COMMD1: variants seen among roughly 807,000 people sequenced by gnomAD.
COMMD1 encodes copper metabolism domain containing 1.
Under a neutral mutation model 17.2 loss-of-function variants are expected in COMMD1, and 10 were observed. The observed-to-expected ratio is 0.58, with a 90% CI of 0.36 to 0.99. The LOEUF is 0.99. Among genes scored for constraint, COMMD1 ranks in the 50% least tolerant of loss-of-function variants. The pLI is 0.01. For synonymous variants in COMMD1, 97 were observed against 91.6 expected, an observed-to-expected ratio of 1.06 and a Z score of -0.34; for missense variants, 270 against 231.8, an observed-to-expected ratio of 1.17 and a Z score of -1.07.
intron 2 of COMMD1, among the ~76,000 whole-genome samples, chr2:62,002,772 C>G (rs1157485722): frequency 6.6e-6 from 1 of 151,578 alleles, no homozygotes; most frequent in African/African-American, 2.4e-5. Flanking sequence ...AGGAGAATTG[C>G]TTCATCCTGG....
intron 1 of COMMD1, among the ~76,000 whole-genome samples, chr2:61,954,300 G>C (rs978028161): frequency 1.4e-4 from 21 of 152,080 alleles, no homozygotes; most frequent in African/African-American, 4.8e-4. Context: ...ATAAGTTTTT[G>C]CTTATATAGG....
intron 1 of COMMD1, among the ~76,000 whole-genome samples, chr2:61,942,206 C>G (rs1163091380): frequency 6.6e-6 from 1 of 151,234 alleles, no homozygotes; most frequent in African/African-American, 2.4e-5. Flanking sequence ...TAGGTTCAAG[C>G]GATTCTCCTG....
At chr2:61,941,132 A>G (rs989101272) in intron 1 of COMMD1, among the ~76,000 whole-genome samples, 8 of 151,684 alleles carry the variant, frequency 5.3e-5, no homozygotes, top group African/African-American at 1.2e-4. Flanking sequence ...GGTTCAAGCA[A>G]TTCTCCTGCC....
intron 1 of COMMD1, among the ~76,000 whole-genome samples, chr2:61,893,617 C>A (rs948317904): frequency 2.0e-5 from 3 of 152,090 alleles, no homozygotes; most frequent in African/African-American, 7.2e-5. Flanking sequence ...AGTTCGAGAC[C>A]AGCCTGGCCA....
intron 1 of COMMD1, among the ~76,000 whole-genome samples, chr2:61,940,746 C>G (rs1572983808): frequency 6.6e-6 from 1 of 151,326 alleles, no homozygotes; most frequent in Admixed American, 6.6e-5. Flanking sequence ...TGCAGTGGCG[C>G]GAACTCCTCG....
At chr2:61,918,857 G>T (rs1396031314) in intron 1 of COMMD1, among the ~76,000 whole-genome samples, 1 of 152,032 alleles carries the variant, frequency 6.6e-6, no homozygotes, top group African/African-American at 2.4e-5. Context: ...CACATTTTTA[G>T]CTCTATCTTA....
chr2:62,094,476 A>C (rs1671944317), intron 2 of COMMD1, among the ~76,000 whole-genome samples: 1 of 152,178 alleles, frequency 6.6e-6, no homozygotes, highest in Non-Finnish European at 1.5e-5. Context: ...TTGTCACCAT[A>C]TTTTGTTGTC....
upstream of COMMD1, chr2:61,888,528 G>T (rs745685477): frequency 6.2e-7 from 1 of 1,606,638 alleles, no homozygotes; most frequent in Admixed American, 1.7e-5. Context: ...GCTGTGTCTG[G>T]GTTGGCTCGG....
intron 1 of COMMD1, among the ~76,000 whole-genome samples, chr2:61,991,023 C>G (rs1293698925): frequency 1.3e-5 from 2 of 151,072 alleles, no homozygotes; most frequent in Non-Finnish European, 2.9e-5. Flanking sequence ...CCCAGGAGGA[C>G]AAGGCTGTAG....
chr2:62,090,324 C>A (rs1050484309), intron 2 of COMMD1, among the ~76,000 whole-genome samples: 1 of 151,700 alleles, frequency 6.6e-6, no homozygotes, highest in African/African-American at 2.4e-5. Context: ...TTATCATATT[C>A]TTTGATTAGA....
intron 2 of COMMD1, among the ~76,000 whole-genome samples, chr2:62,032,755 C>CTCCTTCCT (rs891774467): frequency 6.6e-6 from 1 of 151,474 alleles, no homozygotes; most frequent in African/African-American, 2.4e-5. Context: ...CTCTCTTTCA[C>CTCCTTCCT]TCCTTCCTTC....
chr2:61,920,939 G>A lies in COMMD1; in HGVS notation c.180+15081G>A, dbSNP rs142586724. On this transcript the variant is annotated intron_variant, in intron 1 of 2. Transcript: ENST00000311832. ...TGTATGTGTATATGTATACATATAC[G>A]TGTGTTTGTGTATATATATATGTGT... Among the ~76,000 whole-genome samples the A allele has an allele frequency of 7.2e-4, 101 of 141,066 alleles. 1 individual carries two copies. The East Asian group carries it at 0.018, about 25-fold the overall frequency. 92.5% of individuals were successfully genotyped at this position (141,066 alleles called of 152,430 possible).
intron 1 of COMMD1, among the ~76,000 whole-genome samples, chr2:61,889,722 G>A (rs1669376628): frequency 6.6e-6 from 1 of 152,122 alleles, no homozygotes; most frequent in South Asian, 2.1e-4. Context: ...CTGGGTGGTG[G>A]AGGTTTGACA....
chr2:62,040,230 C>T (rs10171696), intron 2 of COMMD1, among the ~76,000 whole-genome samples: 4 of 152,046 alleles, frequency 2.6e-5, no homozygotes, highest in African/African-American at 7.2e-5. Flanking sequence ...CTCCAGCCTA[C>T]GTGACAGAGT....
chr2:62,110,608 C>G (rs565238779), intron 2 of COMMD1, among the ~76,000 whole-genome samples: 29 of 152,090 alleles, frequency 1.9e-4, no homozygotes, highest in African/African-American at 7.0e-4. Flanking sequence ...GGACACTGAC[C>G]CTGAGCTACA....
At chr2:62,124,596 C>A (rs1672841111) in intron 2 of COMMD1, among the ~76,000 whole-genome samples, 1 of 152,082 alleles carries the variant, frequency 6.6e-6, no homozygotes, top group Non-Finnish European at 1.5e-5. Flanking sequence ...GTCGCCCAGC[C>A]TGGAGTGTAG....
rs577009072 is a variant in COMMD1, at chr2:61,987,504, C to G, written c.181-13197C>G. On this transcript the variant is annotated intron_variant, in intron 1 of 2. Coordinates refer to ENST00000311832, the MANE Select transcript of COMMD1 (RefSeq NM_152516.4). The stretch of plus-strand genomic sequence containing the variant: ...AATTCTTTCTATTGCCAGGCAGAGA[C>G]TCTTGTTCTCTTCCCTTTTTCCCAA... Among the ~76,000 whole-genome samples the G allele has an allele frequency of 2.0e-5, 3 of 152,276 alleles. No homozygotes were observed. In the South Asian group the frequency reaches 6.2e-4, roughly 32 times the overall value.
At chr2:61,983,210 G>C (rs1330707574) in intron 1 of COMMD1, among the ~76,000 whole-genome samples, 2 of 139,558 alleles carry the variant, frequency 1.4e-5, no homozygotes, top group African/African-American at 5.4e-5. Context: ...TTTTTTTTGA[G>C]ATGGAGTCTC....
At chr2:61,977,183 T>C (rs1162767209) in intron 1 of COMMD1, among the ~76,000 whole-genome samples, 3 of 151,702 alleles carry the variant, frequency 2.0e-5, no homozygotes, top group Non-Finnish European at 4.4e-5. Context: ...TCTGGAACTC[T>C]GTAGTTTTAA....
Sources: gnomAD v4.1 joint callset for allele counts (sites outside exome capture counted in the v4.1 genomes callset) on GRCh38, gnomAD v4.1.1 for gene constraint, MANE v1.5 for transcripts, NCBI Gene and HGNC (gene_info 2026-07-23, HGNC 2026-07-21) for gene names.